A2ML1: variants seen among roughly 807,000 people sequenced by gnomAD.
A2ML1 encodes the protein alpha-2-macroglobulin-like protein 1.
A2ML1 carries 161 observed loss-of-function variants against 181.9 expected under a neutral mutation model. That is an observed-to-expected ratio of 0.89 (90% CI 0.78 to 1.01). The LOEUF (loss-of-function observed/expected upper bound fraction) is 1.01, where lower values mean the gene tolerates loss of function less well. Ranked by LOEUF, A2ML1 falls within the 50% of genes least tolerant of loss-of-function variation. The pLI is 0.00. For missense variants in A2ML1, 1,670 were observed against 1,768.1 expected (o/e 0.94, Z 1.00); for synonymous variants, 663 against 666.8 (o/e 0.99, Z 0.09).
At position 8,857,122 on chromosome 12, in the gene A2ML1, T is replaced by A. The variant is rs1020100147; in HGVS notation, c.2849-42T>A. ...ATGATAACTCTTAGAGGGTCCCTTCTTCTCTGTACCCCTACCTTCTCTCTC... is the reference window on the plus strand; with the variant it reads ...ATGATAACTCTTAGAGGGTCCCTTCATCTCTGTACCCCTACCTTCTCTCTC... On this transcript the variant is annotated intron_variant, in intron 23 of 35. Transcript: ENST00000299698. 3 of 1,583,262 alleles carry A rather than the reference T, an allele frequency of 1.9e-6. No individual in the cohort carries two copies. The African/African-American group carries it at 4.1e-5, about 21-fold the overall frequency.
chr12:8,852,182 C>T lies in A2ML1; in HGVS notation c.2464-28C>T, dbSNP rs1416282290. On this transcript the variant is annotated intron_variant, in intron 19 of 35. Transcript: ENST00000299698. The surrounding 1 kb of genome is among the most constrained non-coding windows in gnomAD (Gnocchi z 4.2). Reference sequence around the variant, plus strand: ...CTATGCACTACCTCCTTTGTTTGTACCCTTTGTCTCTTAAACATCCTCCGT... The same window carrying T: ...CTATGCACTACCTCCTTTGTTTGTATCCTTTGTCTCTTAAACATCCTCCGT... 2 of 1,613,376 alleles carry T rather than the reference C, an allele frequency of 1.2e-6. No individual in the cohort carries two copies. The highest frequency in any genetic ancestry group is 2.7e-5 in the African/African-American group (2 of 74,916).
intron 35 of A2ML1, 87 bp downstream of exon 35, chr12:8,875,099 T>C: frequency 7.0e-7 from 1 of 1,435,518 alleles, no homozygotes. Flanking sequence ...GTCATTGTCT[T>C]TTTTTGAGAT....
rs779557289 is a variant in A2ML1, at chr12:8,837,455, G to C, written c.744G>C (p.Lys248Asn). 1.2e-6 allele frequency: 2 copies of C among 1,613,942 alleles called. No individual in the cohort carries two copies. The highest frequency in any genetic ancestry group is 1.7e-6 in the Non-Finnish European group (2 of 1,179,948). Reference sequence around the variant, plus strand: ...TCTTGGTTAGGTACACCTATGGAAAGCCCATGCTAGGGGCAGTGCAGGTAT... The same window carrying C: ...TCTTGGTTAGGTACACCTATGGAAACCCCATGCTAGGGGCAGTGCAGGTAT... ...VKICCRYTYG[K>N]PMLGAVQVSV... The change falls in exon 8 of 36, where the codon AAG becomes AAC. Residue 248 changes from lysine to asparagine, a missense_variant. Physicochemically the swap from Lys to Asn is moderately conservative, Grantham distance 94. Transcript: ENST00000299698.
At chr12:8,827,048 A>G (rs1306981488) in intron 3 of A2ML1, among the ~76,000 whole-genome samples, 5 of 151,852 alleles carry the variant, frequency 3.3e-5, no homozygotes, top group African/African-American at 7.3e-5. Context: ...ATTAATATTG[A>G]TATCTTTCTC....
At chr12:8,845,528 G>T in intron 13 of A2ML1, 26 bp downstream of exon 13, 1 of 1,613,298 alleles carries the variant, frequency 6.2e-7, no homozygotes, top group East Asian at 2.2e-5. Context: ...TTTCCCGGAA[G>T]CAAACAGGAT....
intron 32 of A2ML1, 75 bp from the exon 33 acceptor site, chr12:8,869,060 T>A: frequency 7.0e-7 from 1 of 1,423,126 alleles, no homozygotes; most frequent in South Asian, 1.2e-5. Flanking sequence ...TCCTTGATCA[T>A]GGCAGAGCTT....
rs765821821 is a variant in A2ML1 at position 8,857,192 on chromosome 12, C to T, written c.2877C>T (p.Asn959=). 3 of 1,612,540 alleles carry T rather than the reference C, an allele frequency of 1.9e-6. No individual in the cohort carries two copies. The South Asian group carries it at 3.3e-5, about 18-fold the overall frequency. ...LGDIMGTALQ[N]LDGLVQMPSG... ...ACATTATGGGCACAGCCCTGCAGAA[C>T]CTGGATGGTCTGGTGCAGATGCCCA... Residue 959 remains asparagine (N), a synonymous_variant, in exon 24 of 36, where the codon AAC becomes AAT. Transcript: ENST00000299698.
chr12:8,837,045 CAG>C (rs1168866922), intron 7 of A2ML1, among the ~76,000 whole-genome samples: 1 of 151,762 alleles, frequency 6.6e-6, no homozygotes, highest in African/African-American at 2.4e-5. Context: ...TTTTTTGAGA[CAG>C]AGTCTCTGTC....
At chr12:8,854,964 A>T in intron 22 of A2ML1, 133 bp downstream of exon 22, 1 of 903,070 alleles carries the variant, frequency 1.1e-6, no homozygotes. Flanking sequence ...GCACGATTTC[A>T]GCTCATTGCA....
chr12:8,872,217 T>C (rs928133851), intron 33 of A2ML1, among the ~76,000 whole-genome samples: 1 of 151,854 alleles, frequency 6.6e-6, no homozygotes, highest in Non-Finnish European at 1.5e-5. Flanking sequence ...TACCCCAGCT[T>C]TCTTTTGGTT....
In A2ML1 at chr12:8,850,391, C is replaced by T. The variant is rs781356412; in HGVS notation, c.2234+117C>T. ...CTTGAGACCAGGAGTTCAAGACCAG[C>T]CTGGGCAACATAATGAGCTTCTGTC... On this transcript the variant is annotated intron_variant, in intron 18 of 35. Transcript: ENST00000299698. 6.6e-6 allele frequency: 4 copies of T among 606,900 alleles called. No homozygotes were observed. The South Asian group carries it at 7.5e-5, about 11-fold the overall frequency. 37.6% of individuals were successfully genotyped at this position (606,900 alleles called of 1,614,324 possible).
chr12:8,828,869 G>A (rs1036447678), intron 3 of A2ML1, among the ~76,000 whole-genome samples: 1 of 152,184 alleles, frequency 6.6e-6, no homozygotes, highest in Admixed American at 6.5e-5. Context: ...TGGTCTAAAT[G>A]CTCCCTCCAT....
chr12:8,831,150 G>A (rs1298217862), intron 4 of A2ML1, among the ~76,000 whole-genome samples: 1 of 151,760 alleles, frequency 6.6e-6, no homozygotes, highest in African/African-American at 2.4e-5. Context: ...GTGGGGGGCG[G>A]GGGTCTCACC....
chr12:8,827,220 A>G (rs771905059), intron 3 of A2ML1, among the ~76,000 whole-genome samples: 3 of 152,126 alleles, frequency 2.0e-5, no homozygotes, highest in Non-Finnish European at 4.4e-5. Context: ...TGTGCCTGTA[A>G]TCCCAGCTAC....
At chr12:8,886,008 T>TCACACACACA (rs1491278936) in intron 7 of A2ML1, among the ~76,000 whole-genome samples, 10 of 55,282 alleles carry the variant, frequency 1.8e-4, no homozygotes, top group South Asian at 1.8e-3. Context: ...TTCAACAATA[T>TCACACACACA]CTCACACACA....
At chr12:8,873,573 G>A (rs901477378) in intron 33 of A2ML1, among the ~76,000 whole-genome samples, 2 of 151,836 alleles carry the variant, frequency 1.3e-5, no homozygotes, top group African/African-American at 4.9e-5. Context: ...CAATATTCAG[G>A]TTTTTAAAAA....
chr12:8,882,789 C>G (rs1453822643), intron 7 of A2ML1, among the ~76,000 whole-genome samples: 1 of 152,112 alleles, frequency 6.6e-6, no homozygotes, highest in Non-Finnish European at 1.5e-5. Context: ...TAGCAAGACC[C>G]AATCTCATTC....
At position 8,822,644 on chromosome 12, in the gene A2ML1, C is replaced by T; in HGVS notation, c.-8C>T. 2 of 1,613,604 alleles carry T rather than the reference C, an allele frequency of 1.2e-6. No individual in the cohort carries two copies. The highest frequency in any genetic ancestry group is 1.7e-6 in the Non-Finnish European group (2 of 1,179,552). On this transcript the variant is annotated 5_prime_UTR_variant, in exon 1 of 36. Transcript: ENST00000299698. ...CTGACCCTGGAAAAATCTGTCTCACCCACAAAGATGTGGGCTCAGCTCCTT... is the reference window on the plus strand; with the variant it reads ...CTGACCCTGGAAAAATCTGTCTCACTCACAAAGATGTGGGCTCAGCTCCTT...
In A2ML1 at chr12:8,843,307, T is replaced by C; in HGVS notation, c.1422T>C (p.Tyr474=). 6.2e-7 allele frequency: 1 copy of C among 1,614,078 alleles called. No individual in the cohort carries two copies. The highest frequency in any genetic ancestry group is 2.2e-5 in the East Asian group (1 of 44,884). ...CGQPQEVLVD[Y]YIDPADASPD... is the part of the protein sequence containing the mutation. ...AGCCCCAGGAAGTGCTGGTGGATTATTACATCGACCCGGCCGATGCAAGCC... is the reference window on the plus strand; with the variant it reads ...AGCCCCAGGAAGTGCTGGTGGATTACTACATCGACCCGGCCGATGCAAGCC... The change falls in exon 12 of 36, where the codon TAT becomes TAC. Residue 474 remains tyrosine, a synonymous_variant. Transcript: ENST00000299698.
Sources: allele counts gnomAD v4.1 joint callset (sites outside exome capture counted in the v4.1 genomes callset), GRCh38; gene constraint gnomAD v4.1.1; non-coding constraint Gnocchi (gnomAD v3.1); transcripts MANE v1.5; gene names NCBI Gene and HGNC (gene_info 2026-07-23, HGNC 2026-07-21).